Variants in IQCJ observed in about 807,000 individuals in gnomAD.
The protein encoded by IQCJ is IQ domain-containing protein J.
In IQCJ, 9 loss-of-function variants were observed where a neutral mutation model predicts 11.0. The ratio of observed to expected loss-of-function variants is 0.82; its 90% confidence interval spans 0.49 to 1.43. The LOEUF is 1.43. Ranked by LOEUF, IQCJ falls within the 40% of genes most tolerant of loss-of-function variation. The pLI is 0.00. For synonymous variants in IQCJ, 55 were observed against 51.3 expected (o/e 1.07, Z -0.31); for missense variants, 146 against 133.2 (o/e 1.10, Z -0.47).
intron 2 of IQCJ, 129 bp from the exon 3 acceptor site, chr3:159,252,598 T>G: frequency 1.2e-6 from 1 of 843,028 alleles, no homozygotes; most frequent in South Asian, 3.1e-5. Context: ...AACAGGAACT[T>G]TAATAAATTA....
chr3:159,186,443 T>C (rs1246861719), intron 1 of IQCJ, among the ~76,000 whole-genome samples: 1 of 152,216 alleles, frequency 6.6e-6, no homozygotes, highest in Non-Finnish European at 1.5e-5. Flanking sequence ...GTTGTTTCCT[T>C]AACAGTAAGA....
chr3:159,090,607 A>G (rs1335144374), intron 1 of IQCJ, among the ~76,000 whole-genome samples: 1 of 151,760 alleles, frequency 6.6e-6, no homozygotes, highest in Non-Finnish European at 1.5e-5. Flanking sequence ...TGGGTGTGTC[A>G]TATTGGAGGA....
intron 1 of IQCJ, among the ~76,000 whole-genome samples, chr3:159,094,318 T>C (rs942818822): frequency 2.0e-5 from 3 of 151,558 alleles, no homozygotes; most frequent in African/African-American, 7.3e-5. Flanking sequence ...TAGCAGAGAT[T>C]TGATATTATA....
At chr3:159,088,134 G>A (rs1026016234) in intron 1 of IQCJ, among the ~76,000 whole-genome samples, 1 of 152,080 alleles carries the variant, frequency 6.6e-6, no homozygotes, top group East Asian at 1.9e-4. Context: ...GTTCTCGTTG[G>A]TTTCAAAGAA....
intron 1 of IQCJ, among the ~76,000 whole-genome samples, chr3:159,173,003 A>G (rs1273033623): frequency 1.3e-5 from 2 of 152,212 alleles, no homozygotes; most frequent in Non-Finnish European, 2.9e-5. Context: ...AAATCAAATG[A>G]CTGGAAATAT....
At chr3:159,235,357 T>C (rs73031423) in intron 1 of IQCJ, among the ~76,000 whole-genome samples, 2,464 of 152,322 alleles carry the variant, frequency 0.016, 69 homozygotes, top group African/African-American at 0.056. Context: ...AGACATTTTG[T>C]AATGAGCCAG....
chr3:159,116,868 T>C (rs994919140), intron 1 of IQCJ, among the ~76,000 whole-genome samples: 1 of 151,584 alleles, frequency 6.6e-6, no homozygotes, highest in African/African-American at 2.4e-5. Context: ...GAGCTTTCTG[T>C]TTAAGTTGAG....
At chr3:159,198,309 G>A (rs537682481) in intron 1 of IQCJ, among the ~76,000 whole-genome samples, 28 of 152,098 alleles carry the variant, frequency 1.8e-4, no homozygotes, top group Non-Finnish European at 3.5e-4. Context: ...AAGAAGAAGG[G>A]AGAAAATAAT....
intron 1 of IQCJ, among the ~76,000 whole-genome samples, chr3:159,164,553 A>G (rs544686813): frequency 1.8e-4 from 28 of 152,314 alleles, no homozygotes; most frequent in African/African-American, 6.7e-4. Context: ...GGATCACCTG[A>G]GGTCAGGAGT....
chr3:159,069,872 T>TGG (rs1559972102), intron 1 of IQCJ: 2 of 370,626 alleles, frequency 5.4e-6, no homozygotes, highest in African/African-American at 4.3e-5. Context: ...TGTGTGTGTG[T>TGG]GTGTGTGTGT....
At chr3:159,206,750 C>A (rs1234219023) in intron 1 of IQCJ, among the ~76,000 whole-genome samples, 1 of 152,156 alleles carries the variant, frequency 6.6e-6, no homozygotes, top group Non-Finnish European at 1.5e-5. Flanking sequence ...TTGATACATT[C>A]TTCCTTTTCC....
In IQCJ at chr3:159,171,699, C is replaced by T. The variant is rs149525743; in HGVS notation, c.10-74144C>T. 1.3e-3 allele frequency among the ~76,000 whole-genome samples: 193 copies of T among 152,286 alleles called. 1 individual carries two copies. The highest frequency in any genetic ancestry group is 4.5e-3 in the African/African-American group (186 of 41,562). ...CGGGCTTCAGTAGGTTTTAAAAGCT[C>T]CACAGGTGATTCTTAAGTACAGTTA... On this transcript the variant is annotated intron_variant, in intron 1 of 3. Transcript: ENST00000397832.
intron 1 of IQCJ, among the ~76,000 whole-genome samples, chr3:159,124,371 C>G (rs1403288377): frequency 6.6e-6 from 1 of 152,184 alleles, no homozygotes; most frequent in African/African-American, 2.4e-5. Context: ...GCAATGGTTA[C>G]TATGAGTAAA....
At chr3:159,147,280 C>T (rs759368301) in intron 1 of IQCJ, among the ~76,000 whole-genome samples, 5 of 152,188 alleles carry the variant, frequency 3.3e-5, no homozygotes, top group Non-Finnish European at 5.9e-5. Context: ...GATTAAAATA[C>T]GCATTCAGGC....
At chr3:159,168,500 C>T (rs1306480291) in intron 1 of IQCJ, among the ~76,000 whole-genome samples, 1 of 152,124 alleles carries the variant, frequency 6.6e-6, no homozygotes, top group Non-Finnish European at 1.5e-5. Context: ...ACCATAACCA[C>T]TACAATTAAG....
intron 3 of IQCJ, among the ~76,000 whole-genome samples, chr3:159,258,113 TTTC>T (rs746825753): frequency 2.6e-5 from 4 of 152,224 alleles, no homozygotes; most frequent in Non-Finnish European, 4.4e-5. Context: ...GGCATCTGTC[TTTC>T]TTCTTCTATA....
chr3:159,248,221 G>C (rs550907782), intron 2 of IQCJ, among the ~76,000 whole-genome samples: 1 of 152,082 alleles, frequency 6.6e-6, no homozygotes, highest in Non-Finnish European at 1.5e-5. Flanking sequence ...TACCTTCAAT[G>C]CTGGCTCCTT....
At chr3:159,191,125 C>T (rs951127481) in intron 1 of IQCJ, among the ~76,000 whole-genome samples, 1 of 152,158 alleles carries the variant, frequency 6.6e-6, no homozygotes, top group Non-Finnish European at 1.5e-5. Context: ...TTACATAGGC[C>T]TGAAAATAAC....
chr3:159,173,123 C>T (rs946718250), intron 1 of IQCJ, among the ~76,000 whole-genome samples: 1 of 152,190 alleles, frequency 6.6e-6, no homozygotes, highest in African/African-American at 2.4e-5. Context: ...CATAAACACC[C>T]TCTTCAGCTT....
Sources: gnomAD v4.1 joint callset for allele counts (sites outside exome capture counted in the v4.1 genomes callset) on GRCh38, gnomAD v4.1.1 for gene constraint, MANE v1.5 for transcripts, NCBI Gene and HGNC (gene_info 2026-07-23, HGNC 2026-07-21) for gene names.